PRIM2: variants seen among roughly 807,000 people sequenced by gnomAD.
PRIM2 encodes the protein DNA primase large subunit.
A neutral mutation model predicts 67.3 loss-of-function variants in PRIM2; 39 were observed. The observed-to-expected ratio is 0.58, with a 90% CI of 0.45 to 0.76. The LOEUF (loss-of-function observed/expected upper bound fraction) is 0.76. PRIM2 is among the 30% of genes least tolerant of loss of function. PRIM2 has a pLI of 0.00. For missense variants in PRIM2, 398 were observed against 598.7 expected, an observed-to-expected ratio of 0.66 and a Z score of 3.50; for synonymous variants, 143 against 198.7, an observed-to-expected ratio of 0.72 and a Z score of 2.36.
At chr6:57,323,106 A>G (rs1767715927) in intron 3 of PRIM2, among the ~76,000 whole-genome samples, 1 of 151,736 alleles carries the variant, frequency 6.6e-6, no homozygotes, top group South Asian at 2.1e-4. Flanking sequence ...AAAGGATTAA[A>G]TGGGTTCATG....
chr6:57,468,107 G>C (rs1773248469), intron 7 of PRIM2, among the ~76,000 whole-genome samples: 1 of 152,060 alleles, frequency 6.6e-6, no homozygotes, highest in East Asian at 1.9e-4. Context: ...CTTCCTATTT[G>C]AATACCCTTT....
At chr6:57,593,039 G>A (rs1776308461) in intron 10 of PRIM2, among the ~76,000 whole-genome samples, 1 of 152,110 alleles carries the variant, frequency 6.6e-6, no homozygotes, top group South Asian at 2.1e-4. Context: ...CTGGATAAAG[G>A]TGTGCCTGCT....
At chr6:57,517,055 G>A (rs2127462722) in intron 8 of PRIM2, among the ~76,000 whole-genome samples, 1 of 152,280 alleles carries the variant, frequency 6.6e-6, no homozygotes, top group Non-Finnish European at 1.5e-5. Flanking sequence ...TTTCTGGATT[G>A]TGGATACAGG....
At chr6:57,336,794 G>A (rs1293084882) in intron 5 of PRIM2, among the ~76,000 whole-genome samples, 1 of 152,166 alleles carries the variant, frequency 6.6e-6, no homozygotes, top group Non-Finnish European at 1.5e-5. Flanking sequence ...GGAAGAAACT[G>A]CATCAACTAA....
chr6:57,387,193 A>T (rs928690058), intron 7 of PRIM2, among the ~76,000 whole-genome samples: 17 of 152,204 alleles, frequency 1.1e-4, no homozygotes, highest in Non-Finnish European at 2.2e-4. Context: ...CTCCTCAATT[A>T]AAATGTAAGT....
At chr6:57,416,459 A>G (rs1225609553) in intron 7 of PRIM2, among the ~76,000 whole-genome samples, 2 of 152,172 alleles carry the variant, frequency 1.3e-5, no homozygotes, top group Non-Finnish European at 2.9e-5. Context: ...TAGGATTTTC[A>G]GAATGGTAAA....
intron 7 of PRIM2, among the ~76,000 whole-genome samples, chr6:57,399,010 C>T (rs2127353580): frequency 6.6e-6 from 1 of 151,794 alleles, no homozygotes; most frequent in South Asian, 2.1e-4. Flanking sequence ...GTAGATATTC[C>T]TGTATCCCTT....
At chr6:57,498,670 T>C (rs1774061260) in intron 7 of PRIM2, among the ~76,000 whole-genome samples, 6 of 152,116 alleles carry the variant, frequency 3.9e-5, no homozygotes, top group Non-Finnish European at 8.8e-5. Flanking sequence ...GAGAACAAAA[T>C]TGAGCAATAT....
chr6:57,469,118 T>G (rs1773275646), intron 7 of PRIM2, among the ~76,000 whole-genome samples: 1 of 152,252 alleles, frequency 6.6e-6, no homozygotes, highest in Non-Finnish European at 1.5e-5. Flanking sequence ...TATCTTGGTA[T>G]ACATATATTG....
chr6:57,555,326 C>T (rs1286415227), intron 10 of PRIM2, among the ~76,000 whole-genome samples: 9 of 152,002 alleles, frequency 5.9e-5, no homozygotes, highest in African/African-American at 2.2e-4. Context: ...GTCATCCAGG[C>T]GGGAGCGCAG....
chr6:57,290,630 A>C, the PRIM2 span, among the ~76,000 whole-genome samples: 7,348 of 152,234 alleles, frequency 0.048, 392 homozygotes, highest in African/African-American at 0.13. Context: ...GCAAATGTAA[A>C]AGAACAGAAA....
intron 7 of PRIM2, among the ~76,000 whole-genome samples, chr6:57,407,464 G>A (rs1419615334): frequency 3.4e-5 from 5 of 146,002 alleles, no homozygotes; most frequent in African/African-American, 1.3e-4. Flanking sequence ...TCCAGTGTGG[G>A]TTTTTTTTTT....
the PRIM2 span, among the ~76,000 whole-genome samples, chr6:57,267,234 T>A: frequency 1.3e-5 from 2 of 152,190 alleles, no homozygotes; most frequent in Admixed American, 1.3e-4. Flanking sequence ...TGCTTGGATA[T>A]TAGTTTTATT....
chr6:57,603,888 T>G (rs1776516259), intron 11 of PRIM2, among the ~76,000 whole-genome samples: 1 of 152,176 alleles, frequency 6.6e-6, no homozygotes, highest in African/African-American at 2.4e-5. Flanking sequence ...TGTAGAGATC[T>G]TTCACTTCCT....
At chr6:57,436,372 C>T (rs1772014586) in intron 7 of PRIM2, among the ~76,000 whole-genome samples, 1 of 152,188 alleles carries the variant, frequency 6.6e-6, no homozygotes, top group South Asian at 2.1e-4. Context: ...AGTTGTCACA[C>T]TTTGTGAACT....
chr6:57,463,354 T>C (rs1695655497), intron 7 of PRIM2, among the ~76,000 whole-genome samples: 1 of 152,120 alleles, frequency 6.6e-6, no homozygotes, highest in African/African-American at 2.4e-5. Flanking sequence ...TAGCCAGGTG[T>C]GGTGGCCTGC....
chr6:57,556,779 G>A (rs1775521672), intron 10 of PRIM2, among the ~76,000 whole-genome samples: 2 of 152,032 alleles, frequency 1.3e-5, no homozygotes, highest in Admixed American at 6.6e-5. Context: ...AAGCAAATAG[G>A]ATCTAATTAA....
At chr6:57,578,924 C>T (rs1247641129) in intron 10 of PRIM2, among the ~76,000 whole-genome samples, 3 of 151,822 alleles carry the variant, frequency 2.0e-5, no homozygotes, top group Non-Finnish European at 2.9e-5. Flanking sequence ...GATCCGCCCG[C>T]CTCGGCCTCC....
At chr6:57,311,139 C>T (rs1269012092), upstream of PRIM2, among the ~76,000 whole-genome samples, 11 of 137,710 alleles carry the variant, frequency 8.0e-5, no homozygotes, top group African/African-American at 1.7e-4. Flanking sequence ...ACGGGGCGGC[C>T]GTGCAGAGGC....
Sources: gnomAD v4.1 joint callset for allele counts (sites outside exome capture counted in the v4.1 genomes callset) on GRCh38, gnomAD v4.1.1 for gene constraint, MANE v1.5 for transcripts, NCBI Gene and HGNC (gene_info 2026-07-23, HGNC 2026-07-21) for gene names.